The following CHSY3 variants were observed in gnomAD, a reference collection of about 807,000 sequenced individuals.
CHSY3 encodes the protein chondroitin sulfate synthase 3.
In CHSY3, 35 loss-of-function variants were observed where a neutral mutation model predicts 67.2. That is an observed-to-expected ratio of 0.52 (90% CI 0.40 to 0.69). CHSY3 has a LOEUF of 0.69. Ranked by LOEUF, CHSY3 falls within the 30% of genes least tolerant of loss-of-function variation. The pLI, the probability that CHSY3 is intolerant of heterozygous loss-of-function variation, is 0.00. For synonymous variants in CHSY3, 474 were observed against 434.7 expected, an observed-to-expected ratio of 1.09 and a Z score of -1.12; for missense variants, 1,069 against 1,138.5, an observed-to-expected ratio of 0.94 and a Z score of 0.88.
In CHSY3 at chr5:129,947,553, G is replaced by A. The variant is rs576775966; in HGVS notation, c.1086+39193G>A. On this transcript the variant is annotated intron_variant, in intron 2 of 2. Transcript: ENST00000305031. ...CATAAGAATCACTTGAACCTGAGAG[G>A]TGGAGGCTGCAGTGAGCCGAGAGTG... is the stretch of plus-strand genomic sequence containing the variant. Among the ~76,000 whole-genome samples the A allele has an allele frequency of 4.0e-5, 6 of 151,872 alleles. No individual in the cohort carries two copies. In the South Asian group the frequency reaches 1.2e-3, roughly 32 times the overall value.
chr5:130,119,358 C>T (rs1767929422), intron 2 of CHSY3, among the ~76,000 whole-genome samples: 2 of 152,140 alleles, frequency 1.3e-5, no homozygotes, highest in African/African-American at 2.4e-5. Context: ...AATTTTGTAG[C>T]CATGATTGCA....
intron 2 of CHSY3, among the ~76,000 whole-genome samples, chr5:130,056,269 T>C (rs1446121969): frequency 6.9e-6 from 1 of 144,500 alleles, no homozygotes; most frequent in South Asian, 2.2e-4. Flanking sequence ...AGAAGTTTGT[T>C]AAAAAAAAAA....
chr5:130,145,002 A>C (rs905698943), intron 2 of CHSY3, among the ~76,000 whole-genome samples: 3 of 152,136 alleles, frequency 2.0e-5, no homozygotes, highest in Non-Finnish European at 4.4e-5. Flanking sequence ...TGCAGGAGGA[A>C]GAGAGAGGGA....
Position 130,184,581 on chromosome 5 carries a change from A to G in CHSY3, c.1439A>G (p.Asn480Ser). 3.1e-6 allele frequency: 5 copies of G among 1,612,598 alleles called. No homozygotes were observed. The African/African-American group carries it at 4.0e-5, about 13-fold the overall frequency. The change falls in exon 3 of 3, where the codon AAC becomes AGC. Residue 480 changes from asparagine to serine, a missense_variant. Around this residue, in one of 5 missense-constraint regions of CHSY3, gnomAD observed 401 missense variants for 395.2 expected, o/e 1.01. Transcript: ENST00000305031. ...TGKLLYSAAE[N>S]QPPRQSLSSI... is the part of the protein sequence containing the mutation. ...AAGCTTCTATACTCAGCAGCTGAGA[A>G]CCAGCCCCCTCGACAGAGCCTCAGT...
chr5:130,028,018 C>A (rs1422494682), intron 2 of CHSY3, among the ~76,000 whole-genome samples: 1 of 152,092 alleles, frequency 6.6e-6, no homozygotes, highest in East Asian at 1.9e-4. Flanking sequence ...AATGGTATTT[C>A]TAGTTCTAGA....
At chr5:130,004,586 T>C (rs947622165) in intron 2 of CHSY3, among the ~76,000 whole-genome samples, 2 of 152,332 alleles carry the variant, frequency 1.3e-5, no homozygotes, top group African/African-American at 4.8e-5. Flanking sequence ...TGCAAAAATG[T>C]AAGACTCGAT....
chr5:130,088,099 G>C (rs1245975198), intron 2 of CHSY3, among the ~76,000 whole-genome samples: 3 of 151,938 alleles, frequency 2.0e-5, no homozygotes, highest in Admixed American at 6.6e-5. Flanking sequence ...ACAAACCTGA[G>C]AAAAACAAGC....
At chr5:130,154,291 T>C (rs1386514119) in intron 2 of CHSY3, among the ~76,000 whole-genome samples, 1 of 152,200 alleles carries the variant, frequency 6.6e-6, no homozygotes, top group Non-Finnish European at 1.5e-5. Context: ...TAGCTCTTCC[T>C]TTAACATAAG....
At chr5:130,007,424 G>T (rs1257511890) in intron 2 of CHSY3, among the ~76,000 whole-genome samples, 1 of 152,020 alleles carries the variant, frequency 6.6e-6, no homozygotes, top group Non-Finnish European at 1.5e-5. Context: ...ATGGAAGGAG[G>T]AAGGACTCAG....
At chr5:129,906,607 C>T (rs993673651) in intron 1 of CHSY3, among the ~76,000 whole-genome samples, 7 of 152,150 alleles carry the variant, frequency 4.6e-5, no homozygotes, top group African/African-American at 1.7e-4. Context: ...CTAAACTCAG[C>T]GGATCAAAGT....
intron 2 of CHSY3, among the ~76,000 whole-genome samples, chr5:129,924,280 A>G (rs1761020839): frequency 6.6e-6 from 1 of 152,008 alleles, no homozygotes; most frequent in Admixed American, 6.6e-5. Context: ...TACATATGTT[A>G]CCTCCTCTGC....
intron 2 of CHSY3, among the ~76,000 whole-genome samples, chr5:130,030,774 T>C (rs1013539519): frequency 2.0e-5 from 3 of 152,092 alleles, no homozygotes; most frequent in African/African-American, 7.2e-5. Flanking sequence ...TTGGGGGCTT[T>C]AGTGTTATTC....
intron 2 of CHSY3, among the ~76,000 whole-genome samples, chr5:130,086,212 T>C (rs1329589928): frequency 6.6e-6 from 1 of 152,110 alleles, no homozygotes; most frequent in Non-Finnish European, 1.5e-5. Context: ...CAGTGGGGTG[T>C]TAAATTCTCC....
chr5:130,065,984 C>G (rs917993308), intron 2 of CHSY3, among the ~76,000 whole-genome samples: 1 of 152,078 alleles, frequency 6.6e-6, no homozygotes, highest in Non-Finnish European at 1.5e-5. Context: ...TCTTTATTCC[C>G]AAACACATTT....
intron 2 of CHSY3, among the ~76,000 whole-genome samples, chr5:129,957,512 A>G (rs1485302418): frequency 6.6e-6 from 1 of 152,168 alleles, no homozygotes; most frequent in African/African-American, 2.4e-5. Context: ...TGTGGGAGAT[A>G]AACTGAATGA....
chr5:129,908,709 G>A (rs1760419348), intron 2 of CHSY3, among the ~76,000 whole-genome samples: 1 of 152,052 alleles, frequency 6.6e-6, no homozygotes, highest in Non-Finnish European at 1.5e-5. Context: ...CTCTTTAGCT[G>A]TAGCCTTTAG....
chr5:129,928,577 A>G (rs1684557247), intron 2 of CHSY3, among the ~76,000 whole-genome samples: 1 of 152,028 alleles, frequency 6.6e-6, no homozygotes, highest in Admixed American at 6.6e-5. Context: ...CAGTATAGAT[A>G]CCTAACTAAA....
At chr5:130,178,253 A>ATATATATATATATATAT (rs1205782386) in intron 2 of CHSY3, among the ~76,000 whole-genome samples, 1 of 45,912 alleles carries the variant, frequency 2.2e-5, no homozygotes, top group African/African-American at 1.0e-4. Context: ...ATATATATAT[A>ATATATATATATATATAT]TTTTTTTTTT....
chr5:130,032,746 T>A (rs558226803), intron 2 of CHSY3, among the ~76,000 whole-genome samples: 14 of 152,282 alleles, frequency 9.2e-5, no homozygotes, highest in Admixed American at 7.8e-4. Flanking sequence ...TGCTTTGGGA[T>A]AAACCTACAC....
Sources: allele counts gnomAD v4.1 joint callset (sites outside exome capture counted in the v4.1 genomes callset), GRCh38; gene constraint gnomAD v4.1.1; regional missense constraint gnomAD v4.1.1; transcripts MANE v1.5; gene names NCBI Gene and HGNC (gene_info 2026-07-23, HGNC 2026-07-21).